Variants in DAPK2 observed in about 807,000 individuals in gnomAD.
DAPK2 encodes the protein death associated protein kinase 2.
DAPK2 carries 35 observed loss-of-function variants against 44.1 expected under a neutral mutation model. The observed-to-expected ratio is 0.79, with a 90% CI of 0.61 to 1.05. The LOEUF (loss-of-function observed/expected upper bound fraction) is 1.05, where lower values mean the gene tolerates loss of function less well. DAPK2 is among the 50% of genes least tolerant of loss of function. DAPK2 has a pLI of 0.00. For synonymous variants in DAPK2, 174 were observed against 182.6 expected, an observed-to-expected ratio of 0.95 and a Z score of 0.38; for missense variants, 453 against 483.2, an observed-to-expected ratio of 0.94 and a Z score of 0.59.
rs571904884 is a variant in DAPK2 at position 64,019,016 on chromosome 15, T to C, written c.92+21154A>G. 4.6e-5 allele frequency among the ~76,000 whole-genome samples: 7 copies of C among 152,338 alleles called. No individual in the cohort carries two copies. In the South Asian group the frequency reaches 1.2e-3, roughly 27 times the overall value. On this transcript the variant is annotated intron_variant, in intron 1 of 10. Coordinates refer to ENST00000261891, the Ensembl canonical transcript of DAPK2. ...ATAAGGCTTTGTAAGGTTATAACAA[T>C]ATGTGGATGGTGCCTGGTGTATGGT...
chr15:63,949,891 AG>A (rs1159498881), intron 3 of DAPK2, among the ~76,000 whole-genome samples: 3 of 152,224 alleles, frequency 2.0e-5, no homozygotes, highest in Non-Finnish European at 4.4e-5. Context: ...ATGTAAGGAG[AG>A]GGTTTAATGA....
At chr15:64,012,179 C>G (rs1445241462) in intron 1 of DAPK2, among the ~76,000 whole-genome samples, 1 of 152,184 alleles carries the variant, frequency 6.6e-6, no homozygotes, top group Non-Finnish European at 1.5e-5. Context: ...CTTCCTGAAG[C>G]CTCAATACAT....
intron 8 of DAPK2, among the ~76,000 whole-genome samples, chr15:63,914,687 T>C (rs1567198657): frequency 6.6e-6 from 1 of 152,176 alleles, no homozygotes; most frequent in African/African-American, 2.4e-5. Context: ...ACCTCTCTGC[T>C]TCCTGTCCAT....
rs2079441617 is a variant in DAPK2, at chr15:64,013,449, G to C, written c.92+26721C>G. 6.6e-6 allele frequency among the ~76,000 whole-genome samples: 1 copy of C among 152,198 alleles called. No individual in the cohort carries two copies. On this transcript the variant is annotated intron_variant, in intron 1 of 10. Coordinates refer to ENST00000261891, the Ensembl canonical transcript of DAPK2. This position sits in a 1 kb window ranked among gnomAD's most constrained non-coding sequence, Gnocchi z 4.7. ...ATTGGGCAGAAAAGTGAAACCAGGA[G>C]AGAAGCTTTCAACAGCTATGTCTCT...
intron 3 of DAPK2, among the ~76,000 whole-genome samples, chr15:63,953,317 A>G (rs1173014599): frequency 6.6e-6 from 1 of 152,116 alleles, no homozygotes; most frequent in African/African-American, 2.4e-5. Context: ...TACTCTCAAT[A>G]TCTCATGAGT....
At chr15:64,037,409 C>T (rs1021533036) in intron 1 of DAPK2, among the ~76,000 whole-genome samples, 1 of 152,228 alleles carries the variant, frequency 6.6e-6, no homozygotes, top group African/African-American at 2.4e-5. Context: ...AATTACATCC[C>T]CATGCCCCAT....
rs536201552 is a variant in DAPK2 at position 63,925,420 on chromosome 15, C to T, written c.812+521G>A. Among the ~76,000 whole-genome samples, 88 of 152,174 alleles carry T rather than the reference C, an allele frequency of 5.8e-4. 1 individual carries two copies. In the South Asian group the frequency reaches 0.017, roughly 29 times the overall value. ...TCCAGAGCATGCTCTGGGTACCCAG[C>T]GCCCTGCAATTCCCTGCCTATTTCC... On this transcript the variant is annotated intron_variant, in intron 7 of 10. Transcript: ENST00000261891.
chr15:63,935,844 A>C (rs1286542218), intron 4 of DAPK2: 1 of 151,938 alleles, frequency 6.6e-6, no homozygotes, highest in Non-Finnish European at 1.5e-5. Context: ...TGCTCTAGCT[A>C]ATTTGTTTCA....
At chr15:63,981,315 G>A (rs943131346) in intron 2 of DAPK2, among the ~76,000 whole-genome samples, 2 of 152,102 alleles carry the variant, frequency 1.3e-5, no homozygotes, top group Non-Finnish European at 2.9e-5. Flanking sequence ...CTAATCAAAT[G>A]TGGCCCCTCA....
Position 63,939,429 on chromosome 15 carries a change from G to T in DAPK2, c.454-68C>A. The T allele has an allele frequency of 6.6e-7, 1 of 1,503,960 alleles. No individual in the cohort carries two copies. The highest frequency in any genetic ancestry group is 8.9e-7 in the Non-Finnish European group (1 of 1,121,840). 93.2% of individuals were successfully genotyped at this position (1,503,960 alleles called of 1,614,324 possible). A position where few individuals can be genotyped will look rare whatever the true frequency, so the allele number is the denominator to read the frequency against. On this transcript the variant is annotated intron_variant, in intron 3 of 10. Coordinates refer to ENST00000261891, the Ensembl canonical transcript of DAPK2. This position sits in a 1 kb window ranked among gnomAD's most constrained non-coding sequence, Gnocchi z 4.3. ...AGAAAAAAAAAGACGGTAATTAAAG[G>T]CTGGTTGGTTCGTGTTTTGGCTTTG... is the stretch of plus-strand genomic sequence containing the variant.
At chr15:63,967,274 T>C (rs947889841) in intron 3 of DAPK2, among the ~76,000 whole-genome samples, 1 of 152,232 alleles carries the variant, frequency 6.6e-6, no homozygotes, top group Non-Finnish European at 1.5e-5. Flanking sequence ...GGTGCTTTTT[T>C]TGTGTATGGA....
chr15:63,932,373 G>A (rs1206177233), intron 4 of DAPK2, among the ~76,000 whole-genome samples: 1 of 148,076 alleles, frequency 6.8e-6, no homozygotes, highest in African/African-American at 2.5e-5. Context: ...GCTGAGGCAG[G>A]AGAACTGCTT....
At chr15:64,035,488 T>A (rs2080154317) in intron 1 of DAPK2, among the ~76,000 whole-genome samples, 1 of 152,212 alleles carries the variant, frequency 6.6e-6, no homozygotes, top group African/African-American at 2.4e-5. Flanking sequence ...AATGACTTTG[T>A]GTTTTGTGGG....
intron 3 of DAPK2, among the ~76,000 whole-genome samples, chr15:63,952,177 T>C (rs575031769): frequency 1.3e-5 from 2 of 152,058 alleles, no homozygotes; most frequent in African/African-American, 4.8e-5. Flanking sequence ...GAGGCAGAGG[T>C]TGCAGTGAAC....
At chr15:63,963,047 A>G (rs1158603033) in intron 3 of DAPK2, among the ~76,000 whole-genome samples, 1 of 152,178 alleles carries the variant, frequency 6.6e-6, no homozygotes, top group African/African-American at 2.4e-5. Context: ...AGCCTCAGCA[A>G]TGGCAGATGC....
At chr15:64,046,327 C>CCGCGGCGGGCGCGGCGGGCGCGGCGGG (rs1567295665), upstream of DAPK2, 1 of 950,698 alleles carries the variant, frequency 1.1e-6, no homozygotes, top group African/African-American at 2.2e-5. The surrounding 1 kb of genome is among the most constrained non-coding windows in gnomAD (Gnocchi z 5.3). Context: ...GCGGTCGCGG[C>CCGCGGCGGGCGCGGCGGGCGCGGCGGG]CGCGGCAGGC....
Position 64,020,186 on chromosome 15 carries a change from T to C in DAPK2, c.92+19984A>G, listed in dbSNP as rs946848136. Among the ~76,000 whole-genome samples the C allele has an allele frequency of 6.6e-6, 1 of 152,218 alleles. No individual in the cohort carries two copies. Among genetic ancestry groups the C allele is most frequent in the African/African-American group, 2.4e-5 (1 of 41,442 alleles). ...CACTAAGTGCCAGAAGGCACTTATA[T>C]GCTAGAGATGGGGGAAAGGAAACTG... On this transcript the variant is annotated intron_variant, in intron 1 of 10. Coordinates refer to ENST00000261891, the Ensembl canonical transcript of DAPK2. This position sits in a 1 kb window ranked among gnomAD's most constrained non-coding sequence, Gnocchi z 4.5.
At chr15:63,992,740 A>G (rs2078852650) in intron 1 of DAPK2, among the ~76,000 whole-genome samples, 1 of 152,138 alleles carries the variant, frequency 6.6e-6, no homozygotes, top group African/African-American at 2.4e-5. Context: ...GAAGGAGAGA[A>G]CAAGCAGTCA....
intron 6 of DAPK2, among the ~76,000 whole-genome samples, chr15:63,928,744 G>A (rs1595725849): frequency 6.6e-6 from 1 of 152,266 alleles, no homozygotes; most frequent in South Asian, 2.1e-4. Flanking sequence ...AGCTATGCAG[G>A]AAATCTCTGT....
Sources: gnomAD v4.1 joint callset for allele counts (sites outside exome capture counted in the v4.1 genomes callset) on GRCh38, gnomAD v4.1.1 for gene constraint, Gnocchi (gnomAD v3.1) non-coding constraint, MANE v1.5 for transcripts, NCBI Gene and HGNC (gene_info 2026-07-23, HGNC 2026-07-21) for gene names.